Variants in ITGBL1 observed in about 807,000 individuals in gnomAD.
The protein encoded by ITGBL1 is integrin beta-like protein 1.
In ITGBL1, 51 loss-of-function variants were observed where a neutral mutation model predicts 68.5. The ratio of observed to expected loss-of-function variants is 0.74; its 90% CI spans 0.59 to 0.94. ITGBL1 has a LOEUF of 0.94. ITGBL1 is among the 40% of genes least tolerant of loss of function. The pLI, the probability that ITGBL1 is intolerant of heterozygous loss-of-function variation, is 0.00. For synonymous variants in ITGBL1, 209 were observed against 227.3 expected (o/e 0.92, Z 0.72); for missense variants, 649 against 647.4 (o/e 1.00, Z -0.03).
intron 2 of ITGBL1, among the ~76,000 whole-genome samples, chr13:101,531,447 A>C (rs2049473754): frequency 6.6e-6 from 1 of 152,092 alleles, no homozygotes; most frequent in Admixed American, 6.6e-5. Context: ...GCTGTTTTAA[A>C]GCAATACTCT....
intron 7 of ITGBL1, among the ~76,000 whole-genome samples, chr13:101,654,942 G>C (rs535597911): frequency 6.6e-6 from 1 of 152,258 alleles, no homozygotes; most frequent in South Asian, 2.1e-4. Flanking sequence ...GCAATGTTCA[G>C]AGAAGAAGGT....
intron 7 of ITGBL1, among the ~76,000 whole-genome samples, chr13:101,601,865 C>T (rs1459166695): frequency 1.3e-5 from 2 of 151,900 alleles, no homozygotes; most frequent in Non-Finnish European, 1.5e-5. Context: ...AGTATGTGGT[C>T]AATTTTGGAA....
intron 2 of ITGBL1, among the ~76,000 whole-genome samples, chr13:101,567,027 C>T (rs1214681003): frequency 1.3e-5 from 2 of 152,094 alleles, no homozygotes; most frequent in African/African-American, 4.8e-5. Flanking sequence ...AATGTGCAAT[C>T]AATAAAAACA....
Position 101,660,830 on chromosome 13 carries a change from T to TC in ITGBL1, c.1016-31753dup, listed in dbSNP as rs1258234952. Among the ~76,000 whole-genome samples the TC allele has an allele frequency of 2.0e-5, 3 of 152,154 alleles. No individual in the cohort carries two copies. The East Asian group carries it at 5.8e-4, about 29-fold the overall frequency. ...CTCTATTGTTATATCTAAAAATGCC[T>TC]CCAAACATTGTCAAATGTCTGGCAT... On this transcript the variant is annotated intron_variant, in intron 7 of 10. Coordinates refer to ENST00000376180, the MANE Select transcript of ITGBL1 (RefSeq NM_004791.3).
Position 101,706,844 on chromosome 13 carries a change from G to A in ITGBL1, c.1221G>A (p.Thr407=), listed in dbSNP as rs759067992. Residue 407 remains threonine, a synonymous_variant, in exon 9 of 11, where the codon ACG becomes ACA. Coordinates refer to ENST00000376180, the MANE Select transcript of ITGBL1 (RefSeq NM_004791.3). ...LCQHPRKCNM[T]EEQSKNLCES... is the part of the protein sequence containing the mutation. ...AACATCCGCGGAAGTGTAACATGAC[G>A]GAAGAACAAAGCAAGAATCTGTGTG... 1.5e-5 allele frequency: 24 copies of A among 1,614,002 alleles called. No individual in the cohort carries two copies. The highest frequency in any genetic ancestry group is 3.3e-5 in the Admixed American group (2 of 59,998).
intron 7 of ITGBL1, among the ~76,000 whole-genome samples, chr13:101,624,312 C>T (rs778643580): frequency 4.6e-5 from 7 of 152,216 alleles, no homozygotes; most frequent in Non-Finnish European, 1.0e-4. Flanking sequence ...CTTCCTGAAT[C>T]ACAGCTCCCT....
intron 2 of ITGBL1, among the ~76,000 whole-genome samples, chr13:101,490,441 T>G (rs912443523): frequency 1.3e-5 from 2 of 152,158 alleles, no homozygotes; most frequent in Admixed American, 6.5e-5. Context: ...ATGCACAGAG[T>G]CCTCTTAAGG....
intron 7 of ITGBL1, among the ~76,000 whole-genome samples, chr13:101,624,092 A>G (rs2031687802): frequency 6.6e-6 from 1 of 152,170 alleles, no homozygotes; most frequent in African/African-American, 2.4e-5. Context: ...TTAGATGTTT[A>G]CTAGGTTGCT....
At chr13:101,459,261 GT>G (rs1459594303) in intron 2 of ITGBL1, among the ~76,000 whole-genome samples, 1 of 152,144 alleles carries the variant, frequency 6.6e-6, no homozygotes, top group Admixed American at 6.5e-5. Flanking sequence ...GGGTTAACTT[GT>G]TTATGTTGTT....
intron 2 of ITGBL1, among the ~76,000 whole-genome samples, chr13:101,550,761 C>A (rs1594884781): frequency 6.6e-6 from 1 of 152,160 alleles, no homozygotes; most frequent in East Asian, 1.9e-4. Flanking sequence ...TTAAACTTCA[C>A]ATTCTTTATC....
intron 2 of ITGBL1, among the ~76,000 whole-genome samples, chr13:101,543,518 A>G (rs2049753134): frequency 6.6e-6 from 1 of 152,068 alleles, no homozygotes; most frequent in African/African-American, 2.4e-5. Context: ...ACTTTGGTGA[A>G]TCTGACAATT....
At chr13:101,604,465 G>T (rs1448802397) in intron 7 of ITGBL1, among the ~76,000 whole-genome samples, 1 of 151,664 alleles carries the variant, frequency 6.6e-6, no homozygotes, top group Non-Finnish European at 1.5e-5. Context: ...AACTAAATAA[G>T]CTTCATCAGT....
At chr13:101,518,028 C>G (rs979914815) in intron 2 of ITGBL1, among the ~76,000 whole-genome samples, 1 of 152,116 alleles carries the variant, frequency 6.6e-6, no homozygotes, top group Non-Finnish European at 1.5e-5. Context: ...TGAAGTGTCC[C>G]TCAAAATTTT....
intron 6 of ITGBL1, among the ~76,000 whole-genome samples, chr13:101,591,867 G>A (rs939978756): frequency 1.3e-5 from 2 of 152,006 alleles, no homozygotes; most frequent in Non-Finnish European, 2.9e-5. Flanking sequence ...ATGTTTATTA[G>A]GAATTATGGA....
At chr13:101,487,032 C>T (rs941883939) in intron 2 of ITGBL1, among the ~76,000 whole-genome samples, 1 of 152,174 alleles carries the variant, frequency 6.6e-6, no homozygotes, top group Non-Finnish European at 1.5e-5. Flanking sequence ...AATACTTCTT[C>T]ATAAACCTTG....
chr13:101,470,835 T>C (rs564926261), intron 2 of ITGBL1, among the ~76,000 whole-genome samples: 3 of 152,302 alleles, frequency 2.0e-5, no homozygotes, highest in Non-Finnish European at 4.4e-5. Context: ...AATAAGGTAA[T>C]GATAATACAG....
intron 7 of ITGBL1, among the ~76,000 whole-genome samples, chr13:101,661,094 G>C (rs2139478569): frequency 6.6e-6 from 1 of 151,030 alleles, no homozygotes; most frequent in South Asian, 2.1e-4. Context: ...GGAATTAACG[G>C]ATATACATAT....
chr13:101,622,517 G>C (rs2031623581), intron 7 of ITGBL1, among the ~76,000 whole-genome samples: 1 of 152,086 alleles, frequency 6.6e-6, no homozygotes, highest in Non-Finnish European at 1.5e-5. Flanking sequence ...CGCACTTTTA[G>C]TTTTGTATTT....
chr13:101,515,859 A>G (rs1213649770), intron 2 of ITGBL1, among the ~76,000 whole-genome samples: 1 of 152,148 alleles, frequency 6.6e-6, no homozygotes, highest in Non-Finnish European at 1.5e-5. Context: ...ATGGCATTTA[A>G]CCATTCTACC....
Sources: allele counts gnomAD v4.1 joint callset (sites outside exome capture counted in the v4.1 genomes callset), GRCh38; gene constraint gnomAD v4.1.1; transcripts MANE v1.5; gene names NCBI Gene and HGNC (gene_info 2026-07-23, HGNC 2026-07-21).